The following ST6GALNAC6 variants were observed in gnomAD, a reference collection of about 807,000 sequenced individuals.
ST6GALNAC6 encodes the protein alpha-N-acetylgalactosaminide alpha-2,6-sialyltransferase 6.
In ST6GALNAC6, 19 loss-of-function variants were observed where a neutral mutation model predicts 34.3. The observed-to-expected ratio is 0.55, with a 90% CI of 0.39 to 0.81. ST6GALNAC6 has a LOEUF of 0.81. Among genes scored for constraint, ST6GALNAC6 ranks in the 40% least tolerant of loss-of-function variants. ST6GALNAC6 has a pLI of 0.00. For synonymous variants in ST6GALNAC6, 185 were observed against 182.1 expected, an observed-to-expected ratio of 1.02 and a Z score of -0.13; for missense variants, 377 against 467.7, an observed-to-expected ratio of 0.81 and a Z score of 1.79.
In ST6GALNAC6 at chr9:127,886,066, G is replaced by A. The variant is rs913981; in HGVS notation, c.*533C>T. 156,589 of 159,656 alleles carry A rather than the reference G, an allele frequency of 0.98. 76,866 individuals carry two copies. The highest frequency in any genetic ancestry group is 1 in the East Asian group (5,504 of 5,504). The allele number at this position is 159,656 out of a possible 1,614,324, so 9.9% of individuals were successfully genotyped here. The stretch of plus-strand genomic sequence containing the variant: ...AGGGCAGAGCCAAGACCTGGATGCC[G>A]GCCTCCCACCTCTGGGACCTCCCCA... On this transcript the variant is annotated 3_prime_UTR_variant, in exon 7 of 7. Coordinates refer to ENST00000373146, the MANE Select transcript of ST6GALNAC6 (RefSeq NM_013443.5).
upstream of ST6GALNAC6, among the ~76,000 whole-genome samples, chr9:127,900,585 A>G (rs1290583848): frequency 1.3e-5 from 2 of 150,048 alleles, no homozygotes; most frequent in Non-Finnish European, 3.0e-5. Flanking sequence ...AAAAAAAAAA[A>G]AGAAGGATGC....
At chr9:127,902,757 T>A (rs1298756858), upstream of ST6GALNAC6, among the ~76,000 whole-genome samples, 4 of 150,428 alleles carry the variant, frequency 2.7e-5, no homozygotes, top group Admixed American at 6.6e-5. Context: ...CTCGGCTAAT[T>A]TTGTATTTTT....
chr9:127,891,399 T>G (rs1261456665), intron 4 of ST6GALNAC6, among the ~76,000 whole-genome samples: 1 of 151,866 alleles, frequency 6.6e-6, no homozygotes, highest in African/African-American at 2.4e-5. Context: ...GCGGATCACC[T>G]GAGGTCAGAA....
rs1168681783 is a variant in ST6GALNAC6, at chr9:127,894,388, C to A, written c.297+124G>T. The A allele has an allele frequency of 1.3e-5, 16 of 1,241,134 alleles. No individual in the cohort carries two copies. The South Asian group carries it at 1.9e-4, about 15-fold the overall frequency. The allele number at this position is 1,241,134 out of a possible 1,614,324, so 76.9% of individuals were successfully genotyped here. A position where few individuals can be genotyped will look rare whatever the true frequency, so the allele number is the denominator to read the frequency against. On this transcript the variant is annotated intron_variant, in intron 4 of 6. Transcript: ENST00000373146. ...TTATCCAAGGTCACACAGCAAGCAG[C>A]AAGATGAAATCACCGGAGGCAGGGC... is the stretch of plus-strand genomic sequence containing the variant.
At chr9:127,893,487 T>G (rs1830268222) in intron 4 of ST6GALNAC6, among the ~76,000 whole-genome samples, 4 of 152,328 alleles carry the variant, frequency 2.6e-5, no homozygotes, top group African/African-American at 9.6e-5. Context: ...CCATTCACCC[T>G]TTAAGGCTAA....
chr9:127,897,260 A>G (rs1830520443), intron 2 of ST6GALNAC6: 2 of 985,774 alleles, frequency 2.0e-6, no homozygotes, highest in South Asian at 9.4e-5. Flanking sequence ...GGCCGGGGGC[A>G]GGGCGGGCAG....
intron 2 of ST6GALNAC6, chr9:127,897,063 G>T (rs1830503968): frequency 1.2e-6 from 1 of 862,962 alleles, no homozygotes; most frequent in Non-Finnish European, 1.4e-6. Flanking sequence ...CTGTCAAATG[G>T]CTGTAATCAC....
chr9:127,899,383 G>C, intron 1 of ST6GALNAC6, 120 bp downstream of exon 1: 3 of 554,862 alleles, frequency 5.4e-6, no homozygotes, highest in Non-Finnish European at 6.9e-6. Context: ...GGGTGCCGCC[G>C]GGGGACCCGC....
rs1195583374 is a variant in ST6GALNAC6 at position 127,890,513 on chromosome 9, C to A, written c.704+124G>T. On this transcript the variant is annotated intron_variant, in intron 5 of 6. Coordinates refer to ENST00000373146, the MANE Select transcript of ST6GALNAC6 (RefSeq NM_013443.5). This position sits in a 1 kb window ranked among gnomAD's most constrained non-coding sequence, Gnocchi z 4.3. ...AGAGAACTCTCCTAGGAGGCCCAAC[C>A]AGAGGACGGCGGGACTTGACTACCC... 2 of 1,405,680 alleles carry A rather than the reference C, an allele frequency of 1.4e-6. No homozygotes were observed. Among genetic ancestry groups the A allele is most frequent in the Non-Finnish European group, 1.9e-6 (2 of 1,033,602 alleles). 87.1% of individuals were successfully genotyped at this position (1,405,680 alleles called of 1,614,324 possible).
intron 1 of ST6GALNAC6, chr9:127,904,844 G>A (rs928278220): frequency 9.2e-5 from 14 of 152,410 alleles, no homozygotes; most frequent in Non-Finnish European, 5.9e-5. Context: ...GGGCAGACGG[G>A]CCTAGATGAG....
At chr9:127,899,754 C>T (rs1830685474), upstream of ST6GALNAC6, 3 of 726,520 alleles carry the variant, frequency 4.1e-6, no homozygotes, top group African/African-American at 1.9e-5. Flanking sequence ...GTGCCGCCGC[C>T]TGGTGAGCGC....
rs938179002 is a variant in ST6GALNAC6, at chr9:127,890,909, T to C, written c.432A>G (p.Ser144=). ...RMNDAPTTGY[S]ADVGNKTTYR... Reference sequence around the variant, plus strand: ...AGGTGGTCTTGTTGCCCACATCAGCTGAGTAGCCAGTGGTGGGTGCATCAT... The same window carrying C: ...AGGTGGTCTTGTTGCCCACATCAGCCGAGTAGCCAGTGGTGGGTGCATCAT... The change falls in exon 5 of 7, where the codon TCA becomes TCG. Residue 144 remains serine, a synonymous_variant. Coordinates refer to ENST00000373146, the MANE Select transcript of ST6GALNAC6 (RefSeq NM_013443.5). The surrounding 1 kb of genome is among the most constrained non-coding windows in gnomAD (Gnocchi z 4.3). The C allele has an allele frequency of 1.2e-6, 2 of 1,614,090 alleles. No individual in the cohort carries two copies.
rs763893312 is a variant in ST6GALNAC6, at chr9:127,890,648, C to T, written c.693G>A (p.Thr231=). The T allele has an allele frequency of 1.4e-5, 22 of 1,613,068 alleles. No homozygotes were observed. The highest frequency in any genetic ancestry group is 2.2e-5 in the East Asian group (1 of 44,892). The stretch of plus-strand genomic sequence containing the variant: ...CAGGAGGCTGGTACCTGTCCTTGCC[C>T]GTCTCACCCCGGAAGAGGTCGTCAA... ...RQFDDLFRGE[T]GKDREKSHSW... Residue 231 remains threonine, a synonymous_variant, in exon 5 of 7, where the codon ACG becomes ACA. Coordinates refer to ENST00000373146, the MANE Select transcript of ST6GALNAC6 (RefSeq NM_013443.5). This position sits in a 1 kb window ranked among gnomAD's most constrained non-coding sequence, Gnocchi z 4.3.
intron 6 of ST6GALNAC6, 51 bp downstream of exon 6, chr9:127,887,433 C>G (rs770201183): frequency 6.7e-7 from 1 of 1,489,724 alleles, no homozygotes; most frequent in Non-Finnish European, 9.3e-7. Context: ...CTCCATCCTG[C>G]GGCCAGTGCC....
Position 127,890,515 on chromosome 9 carries a change from G to A in ST6GALNAC6, c.704+122C>T. ...AGAACTCTCCTAGGAGGCCCAACCAGAGGACGGCGGGACTTGACTACCCCT... is the reference window on the plus strand; with the variant it reads ...AGAACTCTCCTAGGAGGCCCAACCAAAGGACGGCGGGACTTGACTACCCCT... On this transcript the variant is annotated intron_variant, in intron 5 of 6. Transcript: ENST00000373146. The surrounding 1 kb of genome is among the most constrained non-coding windows in gnomAD (Gnocchi z 4.3). 3.5e-6 allele frequency: 5 copies of A among 1,417,112 alleles called. No homozygotes were observed. Among genetic ancestry groups the A allele is most frequent in the Non-Finnish European group, 4.8e-6 (5 of 1,042,498 alleles). The allele number at this position is 1,417,112 out of a possible 1,614,324, so 87.8% of individuals were successfully genotyped here.
Position 127,886,303 on chromosome 9 carries a change from A to G in ST6GALNAC6, c.*296T>C. 1.4e-6 allele frequency: 1 copy of G among 703,072 alleles called. No homozygotes were observed. The highest frequency in any genetic ancestry group is 2.1e-6 in the Non-Finnish European group (1 of 467,038). 43.6% of individuals were successfully genotyped at this position (703,072 alleles called of 1,614,324 possible). ...CTGAACCAAGGCCTCATGGGAAAGG[A>G]CATGTCCTTAGCCTCAGATTGACTC... On this transcript the variant is annotated 3_prime_UTR_variant, in exon 7 of 7. Transcript: ENST00000373146.
upstream of ST6GALNAC6, chr9:127,903,350 A>G (rs1192414351): frequency 6.6e-6 from 1 of 152,166 alleles, no homozygotes; most frequent in Non-Finnish European, 1.5e-5. Context: ...AAATGCACAC[A>G]TAAAGTGTCT....
chr9:127,896,507 T>C (rs1830463685), intron 2 of ST6GALNAC6, among the ~76,000 whole-genome samples, 175 bp from the exon 3 acceptor site: 1 of 152,208 alleles, frequency 6.6e-6, no homozygotes, highest in Non-Finnish European at 1.5e-5. Flanking sequence ...GGAATCTGCC[T>C]GAGGTCACAC....
intron 4 of ST6GALNAC6, among the ~76,000 whole-genome samples, chr9:127,892,168 C>T (rs1481966147): frequency 6.6e-6 from 1 of 151,736 alleles, no homozygotes; most frequent in East Asian, 1.9e-4. Flanking sequence ...CAAAACAAAA[C>T]AAAAAAAAGA....
Sources: allele counts gnomAD v4.1 joint callset (sites outside exome capture counted in the v4.1 genomes callset), GRCh38; gene constraint gnomAD v4.1.1; non-coding constraint Gnocchi (gnomAD v3.1); transcripts MANE v1.5; gene names NCBI Gene and HGNC (gene_info 2026-07-23, HGNC 2026-07-21).